Variants in TUSC3 observed in about 807,000 individuals in gnomAD.
TUSC3 encodes dolichyl-diphosphooligosaccharide--protein glycosyltransferase subunit TUSC3.
Under a neutral mutation model 44.8 loss-of-function variants are expected in TUSC3, and 45 were observed. That is an observed-to-expected ratio of 1.00 (90% CI 0.79 to 1.29). The LOEUF (loss-of-function observed/expected upper bound fraction) is 1.29, where lower values mean the gene tolerates loss of function less well. Among genes scored for constraint, TUSC3 ranks in the 50% most tolerant of loss-of-function variants. The pLI is 0.00. For missense variants in TUSC3, 519 were observed against 437.9 expected (o/e 1.19, Z -1.65); for synonymous variants, 212 against 152.9 (o/e 1.39, Z -2.85).
At chr8:15,647,829 C>T (rs1806700540) in intron 2 of TUSC3, among the ~76,000 whole-genome samples, 1 of 151,976 alleles carries the variant, frequency 6.6e-6, no homozygotes, top group African/African-American at 2.4e-5. Flanking sequence ...TGAAGGAATT[C>T]TTCTATTTGT....
At chr8:15,493,617 G>A (rs1234701598) in intron 2 of TUSC3, among the ~76,000 whole-genome samples, 1 of 152,090 alleles carries the variant, frequency 6.6e-6, no homozygotes, top group African/African-American at 2.4e-5. Context: ...ATTTGGTACT[G>A]GAACTATACT....
At chr8:15,626,095 G>A (rs923019364) in intron 2 of TUSC3, among the ~76,000 whole-genome samples, 14 of 152,144 alleles carry the variant, frequency 9.2e-5, no homozygotes, top group Non-Finnish European at 7.4e-5. Context: ...GGGGAGACCC[G>A]TGTGCACCGT....
intron 1 of TUSC3, among the ~76,000 whole-genome samples, chr8:15,607,440 A>G (rs538473555): frequency 6.6e-6 from 1 of 152,292 alleles, no homozygotes; most frequent in East Asian, 1.9e-4. Context: ...ACATTTGTAA[A>G]ATAATTTAGT....
chr8:15,824,595 C>A, the TUSC3 span, among the ~76,000 whole-genome samples: 4 of 148,522 alleles, frequency 2.7e-5, no homozygotes, highest in Admixed American at 6.8e-5. Context: ...ACATCACACA[C>A]TGGGGCCTGT....
intron 2 of TUSC3, among the ~76,000 whole-genome samples, chr8:15,487,685 A>G (rs17611554): frequency 0.11 from 16,389 of 152,216 alleles, 981 homozygotes; most frequent in South Asian, 0.22. Context: ...TGTTACTCCA[A>G]TATCAGCACA....
chr8:15,797,264 C>T, the TUSC3 span, among the ~76,000 whole-genome samples: 1 of 152,136 alleles, frequency 6.6e-6, no homozygotes, highest in Admixed American at 6.5e-5. Flanking sequence ...TTGGATAAGC[C>T]AATATAAAGG....
At chr8:15,699,553 G>C (rs1405168744) in intron 6 of TUSC3, among the ~76,000 whole-genome samples, 43 of 152,232 alleles carry the variant, frequency 2.8e-4, no homozygotes, top group Non-Finnish European at 1.2e-4. Flanking sequence ...GTTTGCTCCA[G>C]GAAAAAGATT....
intron 6 of TUSC3, among the ~76,000 whole-genome samples, chr8:15,714,124 G>C (rs1207621553): frequency 1.3e-5 from 2 of 152,066 alleles, no homozygotes; most frequent in African/African-American, 4.8e-5. Context: ...TGTGTTATTG[G>C]TGGTACAAAG....
At chr8:15,675,293 A>G (rs975386587) in intron 6 of TUSC3, among the ~76,000 whole-genome samples, 14 of 150,788 alleles carry the variant, frequency 9.3e-5, no homozygotes, top group Admixed American at 6.6e-5. Flanking sequence ...GTATTCTTCT[A>G]AGAGTATTCT....
chr8:15,478,993 A>C (rs914273450), intron 1 of TUSC3, among the ~76,000 whole-genome samples: 5 of 152,060 alleles, frequency 3.3e-5, no homozygotes, highest in Admixed American at 3.3e-4. Flanking sequence ...ATGAGATGCT[A>C]TCTCATTTTG....
intron 6 of TUSC3, among the ~76,000 whole-genome samples, chr8:15,720,712 C>A (rs182162350): frequency 7.8e-4 from 118 of 152,096 alleles, no homozygotes; most frequent in Non-Finnish European, 1.3e-4. Flanking sequence ...TTCTTGAGAC[C>A]ATATAAGAGA....
the TUSC3 span, among the ~76,000 whole-genome samples, chr8:15,787,714 T>G: frequency 6.6e-6 from 1 of 152,196 alleles, no homozygotes; most frequent in African/African-American, 2.4e-5. Flanking sequence ...GACCACAGGG[T>G]ATCTACTGTT....
At chr8:15,419,557 T>TA (rs1173029846) in intron 1 of TUSC3, among the ~76,000 whole-genome samples, 3 of 152,106 alleles carry the variant, frequency 2.0e-5, no homozygotes, top group Non-Finnish European at 4.4e-5. Context: ...TTCCTCCTTT[T>TA]AAAAAGTTTT....
the TUSC3 span, among the ~76,000 whole-genome samples, chr8:15,799,547 C>G: frequency 2.6e-5 from 4 of 152,118 alleles, no homozygotes; most frequent in Non-Finnish European, 4.4e-5. Flanking sequence ...AGCTGTGACC[C>G]CCTTCCCAGT....
chr8:15,639,719 T>A (rs141936247), intron 2 of TUSC3, among the ~76,000 whole-genome samples: 31 of 152,220 alleles, frequency 2.0e-4, no homozygotes, highest in African/African-American at 6.3e-4. Context: ...TAAATGAGAT[T>A]TACTAATTTT....
intron 10 of TUSC3, among the ~76,000 whole-genome samples, chr8:15,760,944 CATCTCAAATAT>C (rs1812146536): frequency 1.3e-5 from 2 of 152,156 alleles, no homozygotes; most frequent in Admixed American, 1.3e-4. Flanking sequence ...ACACCGTCAT[CATCTCAAATAT>C]GTCACTGTAT....
At chr8:15,698,773 A>T (rs1213726448) in intron 6 of TUSC3, among the ~76,000 whole-genome samples, 1 of 152,030 alleles carries the variant, frequency 6.6e-6, no homozygotes, top group African/African-American at 2.4e-5. Flanking sequence ...ATAAATAGAA[A>T]TCATTATTTT....
chr8:15,594,931 C>T lies in TUSC3; in HGVS notation c.139-28149C>T, dbSNP rs190286064. Reference sequence around the variant, plus strand: ...ACAGATGGAGTTTTGACTGGATGCGCGTCATCTTCACTGCAATTGAGGGAC... The same window carrying T: ...ACAGATGGAGTTTTGACTGGATGCGTGTCATCTTCACTGCAATTGAGGGAC... On this transcript the variant is annotated intron_variant, in intron 1 of 10. Transcript: ENST00000503731. Among the ~76,000 whole-genome samples the T allele has an allele frequency of 2.7e-4, 41 of 152,158 alleles. 1 individual carries two copies. The highest frequency in any genetic ancestry group is 1.9e-3 in the Admixed American group (29 of 15,274).
intron 1 of TUSC3, among the ~76,000 whole-genome samples, chr8:15,590,978 A>G (rs1333764464): frequency 6.6e-6 from 1 of 152,154 alleles, no homozygotes; most frequent in Non-Finnish European, 1.5e-5. Context: ...CCAGCCTATA[A>G]TTTGTTTTGC....
Sources: gnomAD v4.1 joint callset for allele counts (sites outside exome capture counted in the v4.1 genomes callset) on GRCh38, gnomAD v4.1.1 for gene constraint, MANE v1.5 for transcripts, NCBI Gene and HGNC (gene_info 2026-07-23, HGNC 2026-07-21) for gene names.